The following LRMDA variants were observed in gnomAD, a reference collection of about 807,000 sequenced individuals.
LRMDA encodes leucine rich melanocyte differentiation associated.
A neutral mutation model predicts 29.8 loss-of-function variants in LRMDA; 18 were observed. The observed-to-expected ratio is 0.60, with a 90% CI of 0.42 to 0.90. LRMDA has a LOEUF of 0.90. Among genes scored for constraint, LRMDA ranks in the 40% least tolerant of loss-of-function variants. The pLI is 0.00. For missense variants in LRMDA, 273 were observed against 273.9 expected, an observed-to-expected ratio of 1.00 and a Z score of 0.02; for synonymous variants, 125 against 109.4, an observed-to-expected ratio of 1.14 and a Z score of -0.89.
intron 2 of LRMDA, among the ~76,000 whole-genome samples, chr10:75,487,643 G>A (rs971679635): frequency 2.6e-5 from 4 of 152,130 alleles, no homozygotes; most frequent in Non-Finnish European, 5.9e-5. Context: ...GGGCAGAATA[G>A]CAGGCAGCGC....
At chr10:75,960,751 C>A in intron 2 of LRMDA, among the ~76,000 whole-genome samples, 1 of 152,102 alleles carries the variant, frequency 6.6e-6, no homozygotes, top group Non-Finnish European at 1.5e-5. Context: ...GTAGCTGGAA[C>A]TTCAGGCATG....
chr10:75,472,991 C>T (rs769072259), intron 2 of LRMDA, among the ~76,000 whole-genome samples: 3 of 152,306 alleles, frequency 2.0e-5, no homozygotes, highest in Non-Finnish European at 4.4e-5. Flanking sequence ...TGTTGGTCAC[C>T]TTTAGCTTTG....
intron 5 of LRMDA, among the ~76,000 whole-genome samples, chr10:76,065,833 C>T (rs1032281104): frequency 2.6e-5 from 4 of 152,200 alleles, no homozygotes; most frequent in Non-Finnish European, 5.9e-5. Flanking sequence ...CAATGGGATG[C>T]GAGTGGAAGT....
intron 5 of LRMDA, among the ~76,000 whole-genome samples, chr10:76,254,282 T>G (rs1852539657): frequency 1.3e-5 from 1 of 75,926 alleles, no homozygotes; most frequent in Admixed American, 1.6e-4. Context: ...CTGTGGAAAT[T>G]ACTATACTAT....
chr10:76,468,582 C>T (rs1284273485), intron 6 of LRMDA, among the ~76,000 whole-genome samples: 1 of 152,086 alleles, frequency 6.6e-6, no homozygotes, highest in Non-Finnish European at 1.5e-5. Flanking sequence ...ATTTTTTTCA[C>T]ATGAGGGATG....
At chr10:76,290,126 T>C (rs1295450465) in intron 5 of LRMDA, among the ~76,000 whole-genome samples, 1 of 152,220 alleles carries the variant, frequency 6.6e-6, no homozygotes, top group African/African-American at 2.4e-5. Context: ...CCAGTGTATG[T>C]AGCAGAATAA....
intron 2 of LRMDA, chr10:75,451,407 A>G (rs1844458776): frequency 6.6e-6 from 1 of 152,210 alleles, no homozygotes; most frequent in Non-Finnish European, 1.5e-5. Flanking sequence ...ATGCCCGACA[A>G]ATGCCAGCTT....
chr10:76,415,955 AATCAG>A (rs2132514176), intron 6 of LRMDA, among the ~76,000 whole-genome samples: 1 of 152,316 alleles, frequency 6.6e-6, no homozygotes, highest in South Asian at 2.1e-4. Flanking sequence ...GTAGGCTTTT[AATCAG>A]CTCACACATA....
intron 2 of LRMDA, among the ~76,000 whole-genome samples, chr10:75,646,039 C>G (rs773249411): frequency 6.6e-6 from 1 of 150,738 alleles, no homozygotes; most frequent in Admixed American, 6.6e-5. Flanking sequence ...TTGTGTTGTG[C>G]CCCCACCTCC....
rs866003223 is a variant in LRMDA at position 75,837,664 on chromosome 10, C to T, written c.132-198344C>T. Among the ~76,000 whole-genome samples the T allele has an allele frequency of 1.7e-4, 26 of 152,016 alleles. 1 individual carries two copies. The highest frequency in any genetic ancestry group is 3.4e-4 in the African/African-American group (14 of 41,378). ...TAAATGCTTGAAGTGATGGATACCCCGTCTACCCTGATGTGATTGTTATGC... is the reference window on the plus strand; with the variant it reads ...TAAATGCTTGAAGTGATGGATACCCTGTCTACCCTGATGTGATTGTTATGC... On this transcript the variant is annotated intron_variant, in intron 2 of 6. Coordinates refer to ENST00000611255, the MANE Select transcript of LRMDA (RefSeq NM_001305581.2).
intron 6 of LRMDA, among the ~76,000 whole-genome samples, chr10:76,532,949 G>C (rs1300378858): frequency 1.3e-5 from 2 of 151,888 alleles, no homozygotes; most frequent in Admixed American, 1.3e-4. Context: ...GCTACAGAGT[G>C]GATTTTATGT....
At chr10:76,159,267 A>T (rs1352068558) in intron 5 of LRMDA, among the ~76,000 whole-genome samples, 2 of 152,302 alleles carry the variant, frequency 1.3e-5, no homozygotes, top group South Asian at 4.1e-4. Context: ...GAACCAAATG[A>T]ATATTAAAAA....
chr10:76,275,889 T>A (rs1302762097), intron 5 of LRMDA, among the ~76,000 whole-genome samples: 2 of 152,152 alleles, frequency 1.3e-5, no homozygotes, highest in Non-Finnish European at 2.9e-5. Flanking sequence ...TCCTTGAGGC[T>A]GTATTCATTA....
At chr10:76,339,004 C>T (rs1275075805) in intron 6 of LRMDA, among the ~76,000 whole-genome samples, 1 of 152,050 alleles carries the variant, frequency 6.6e-6, no homozygotes, top group African/African-American at 2.4e-5. Flanking sequence ...CCAGAAAAAA[C>T]TAACAAAGTC....
chr10:75,994,441 A>C (rs1323083), intron 2 of LRMDA, among the ~76,000 whole-genome samples: 1 of 151,942 alleles, frequency 6.6e-6, no homozygotes, highest in Non-Finnish European at 1.5e-5. Flanking sequence ...TCACTGTATC[A>C]CTCTTCCAGA....
At chr10:76,475,201 A>C (rs1444465798) in intron 6 of LRMDA, among the ~76,000 whole-genome samples, 1 of 151,712 alleles carries the variant, frequency 6.6e-6, no homozygotes, top group Non-Finnish European at 1.5e-5. Flanking sequence ...GTCAGACATT[A>C]CTGATGGTGG....
chr10:76,169,089 C>CCTTAGAATAGCT (rs1850789840), intron 5 of LRMDA, among the ~76,000 whole-genome samples: 1 of 152,114 alleles, frequency 6.6e-6, no homozygotes, highest in South Asian at 2.1e-4. Context: ...GTCTTTCTTT[C>CCTTAGAATAGCT]CTTAGAATAG....
chr10:76,095,439 C>T (rs1849298197), intron 5 of LRMDA, among the ~76,000 whole-genome samples: 1 of 152,204 alleles, frequency 6.6e-6, no homozygotes, highest in African/African-American at 2.4e-5. Context: ...TTAACATTTG[C>T]ATAGAATTTT....
intron 2 of LRMDA, among the ~76,000 whole-genome samples, chr10:75,712,357 A>G (rs1275056207): frequency 2.0e-5 from 3 of 151,060 alleles, no homozygotes; most frequent in African/African-American, 7.3e-5. Context: ...GGTCTGTGCA[A>G]TAGAAAACGA....
Sources: gnomAD v4.1 joint callset for allele counts (sites outside exome capture counted in the v4.1 genomes callset) on GRCh38, gnomAD v4.1.1 for gene constraint, MANE v1.5 for transcripts, NCBI Gene and HGNC (gene_info 2026-07-23, HGNC 2026-07-21) for gene names.